The following NUP214 variants were observed in gnomAD, a reference collection of about 807,000 sequenced individuals.
The protein encoded by NUP214 is nucleoporin 214.
NUP214 carries 79 observed loss-of-function variants against 196.2 expected under a neutral mutation model. That is an observed-to-expected ratio of 0.40 (90% CI 0.34 to 0.49). The LOEUF is 0.49. Among genes scored for constraint, NUP214 ranks in the 20% least tolerant of loss-of-function variants. The probability of loss-of-function intolerance (pLI) is 0.58; values close to 1 mark genes in which losing one functional copy is unlikely to be tolerated. For synonymous variants in NUP214, 1,020 were observed against 990.5 expected (o/e 1.03, Z -0.56); for missense variants, 2,468 against 2,539.0 (o/e 0.97, Z 0.60).
At chr9:131,154,156 C>T (rs184248734) in intron 17 of NUP214, among the ~76,000 whole-genome samples, 4 of 152,274 alleles carry the variant, frequency 2.6e-5, no homozygotes, top group Admixed American at 1.3e-4. Context: ...ATCATCTTGG[C>T]TCTTTTAAAA....
chr9:131,176,972 C>G (rs550810909), intron 23 of NUP214, among the ~76,000 whole-genome samples: 4 of 152,224 alleles, frequency 2.6e-5, no homozygotes, highest in African/African-American at 9.6e-5. Context: ...TAAGACACCC[C>G]CACAACAAAG....
At chr9:131,223,727 A>ATTTATTTATTTATTTATTTTTTTATT in intron 32 of NUP214, among the ~76,000 whole-genome samples, 1 of 15,642 alleles carries the variant, frequency 6.4e-5, no homozygotes, top group Admixed American at 1.4e-3. Context: ...TTATTTATTT[A>ATTTATTTATTTATTTATTTTTTTATT]TTTTTTTTTT....
Position 131,146,965 on chromosome 9 carries a change from A to G in NUP214, c.1946-525A>G, listed in dbSNP as rs181275649. Among the ~76,000 whole-genome samples, 590 of 150,868 alleles carry G rather than the reference A, an allele frequency of 3.9e-3. 8 individuals are homozygous for G. The highest frequency in any genetic ancestry group is 0.014 in the African/African-American group (562 of 41,178). On this transcript the variant is annotated intron_variant, in intron 13 of 35. Transcript: ENST00000359428. The surrounding 1 kb of genome is among the most constrained non-coding windows in gnomAD (Gnocchi z 4.6). The stretch of plus-strand genomic sequence containing the variant: ...AAAGTACAGAGGAGAGAGTACCTGC[A>G]GTGATTATATTCATATTTTCACAGT...
At chr9:131,171,860 A>G (rs1832968569) in intron 21 of NUP214, among the ~76,000 whole-genome samples, 2 of 152,126 alleles carry the variant, frequency 1.3e-5, no homozygotes, top group South Asian at 4.1e-4. Flanking sequence ...AATTTCATCC[A>G]TGTCCCTACA....
intron 24 of NUP214, among the ~76,000 whole-genome samples, chr9:131,186,563 G>A (rs1286133593): frequency 6.6e-6 from 1 of 152,140 alleles, no homozygotes; most frequent in Non-Finnish European, 1.5e-5. Flanking sequence ...GCTGACAACA[G>A]ATAAATTGAA....
chr9:131,165,748 C>A lies in NUP214; in HGVS notation c.2893+1604C>A, dbSNP rs537231577. Among the ~76,000 whole-genome samples the A allele has an allele frequency of 6.2e-4, 95 of 152,300 alleles. 1 individual carries two copies. Among genetic ancestry groups the A allele is most frequent in the South Asian group, 5.2e-3 (25 of 4,830 alleles). On this transcript the variant is annotated intron_variant, in intron 21 of 35. Coordinates refer to ENST00000359428, the MANE Select transcript of NUP214 (RefSeq NM_005085.4). ...GTCTGTTAATGAATGAATGGATAAA[C>A]AAAATGTCTGTCTATACAATGGAAT...
chr9:131,178,475 A>G (rs1173742929), intron 24 of NUP214, 65 bp downstream of exon 24: 2 of 1,140,018 alleles, frequency 1.8e-6, no homozygotes, highest in Admixed American at 1.9e-5. Context: ...GACTGCCTGC[A>G]GGGAGCAGCA....
chr9:131,132,711 T>C (rs1458645135), intron 6 of NUP214, 52 bp downstream of exon 6: 2 of 1,475,772 alleles, frequency 1.4e-6, no homozygotes, highest in Middle Eastern at 1.7e-4. Context: ...GTTATGTATA[T>C]TACAGAAATT....
At chr9:131,208,016 A>G (rs1834131034) in intron 30 of NUP214, among the ~76,000 whole-genome samples, 1 of 152,228 alleles carries the variant, frequency 6.6e-6, no homozygotes, top group Non-Finnish European at 1.5e-5. Context: ...CCACAATTAG[A>G]TAAGATACCA....
At position 131,158,484 on chromosome 9, in the gene NUP214, G is replaced by A. The variant is rs114900818; in HGVS notation, c.2437-899G>A. Among the ~76,000 whole-genome samples, 797 of 152,322 alleles carry A rather than the reference G, an allele frequency of 5.2e-3. 7 individuals carry two copies. The highest frequency in any genetic ancestry group is 0.018 in the African/African-American group (744 of 41,584). ...TTGCAGGCCTATAATAAGTTAAATA[G>A]CTAAAATTTTAAATAATGACAGATT... is the stretch of plus-strand genomic sequence containing the variant. On this transcript the variant is annotated intron_variant, in intron 17 of 35. Coordinates refer to ENST00000359428, the MANE Select transcript of NUP214 (RefSeq NM_005085.4).
At chr9:131,157,387 C>T (rs1832485740) in intron 17 of NUP214, among the ~76,000 whole-genome samples, 1 of 151,238 alleles carries the variant, frequency 6.6e-6, no homozygotes, top group African/African-American at 2.4e-5. Context: ...TCTCGAACAC[C>T]TGGGCCCTAG....
intron 21 of NUP214, chr9:131,167,467 C>T (rs1362644134): frequency 1.3e-5 from 2 of 152,184 alleles, no homozygotes; most frequent in Admixed American, 6.5e-5. Flanking sequence ...TCTCGGAGCA[C>T]ATGTGTACTT....
In NUP214 at chr9:131,142,754, TTC is replaced by T. The variant is rs1467929970; in HGVS notation, c.1295-1525_1295-1524del. Reference sequence around the variant, plus strand: ...ATAGGTTTGCTTGCATTATTATACTTTCATCAATGTGACAGTTTACTTGGATT... The same window carrying T: ...ATAGGTTTGCTTGCATTATTATACTTATCAATGTGACAGTTTACTTGGATT... On this transcript the variant is annotated intron_variant, in intron 11 of 35. Coordinates refer to ENST00000359428, the MANE Select transcript of NUP214 (RefSeq NM_005085.4). Among the ~76,000 whole-genome samples the T allele has an allele frequency of 2.6e-5, 4 of 152,262 alleles. No homozygotes were observed. The East Asian group carries it at 7.7e-4, about 29-fold the overall frequency.
chr9:131,148,111 C>T (rs1261929195), intron 14 of NUP214, among the ~76,000 whole-genome samples: 4 of 152,178 alleles, frequency 2.6e-5, no homozygotes, highest in Non-Finnish European at 4.4e-5. Flanking sequence ...CACTTGAACC[C>T]GGGAGGCGGA....
intron 7 of NUP214, among the ~76,000 whole-genome samples, chr9:131,134,085 C>G (rs1202739341): frequency 6.6e-6 from 1 of 152,086 alleles, no homozygotes; most frequent in African/African-American, 2.4e-5. Flanking sequence ...TAGTTGGGAC[C>G]ACAGGCATGC....
chr9:131,227,596 C>A (rs569144498), intron 32 of NUP214, among the ~76,000 whole-genome samples: 7 of 152,306 alleles, frequency 4.6e-5, no homozygotes, highest in Admixed American at 3.9e-4. Flanking sequence ...CCAGCATACA[C>A]GTCTCTGTCT....
chr9:131,146,172 A>G lies in NUP214; in HGVS notation c.1813A>G (p.Ser605Gly), dbSNP rs1450927398. 6.2e-7 allele frequency: 1 copy of G among 1,613,982 alleles called. No individual in the cohort carries two copies. Among genetic ancestry groups the G allele is most frequent in the African/African-American group, 1.3e-5 (1 of 74,910 alleles). ...CTCTACTCCTGTTAGTAGCTCCCAGAGCGCACCCCCGATGTCGCCATTCTC... is the reference window on the plus strand; with the variant it reads ...CTCTACTCCTGTTAGTAGCTCCCAGGGCGCACCCCCGATGTCGCCATTCTC... Reference protein sequence around the residue: ...ATSTPVSSSQSAPPMSPFSSA... With the variant: ...ATSTPVSSSQGAPPMSPFSSA... Residue 605 changes from serine to glycine, a missense_variant, in exon 13 of 36, where the codon AGC (serine) becomes GGC (glycine). By Grantham distance (56) the Ser-to-Gly change is moderately conservative (BLOSUM62 0). Around this residue, in one of 5 missense-constraint regions of NUP214, gnomAD observed 1,801 missense variants for 1,779.4 expected, o/e 1.01. Transcript: ENST00000359428. The surrounding 1 kb of genome is among the most constrained non-coding windows in gnomAD (Gnocchi z 4.6).
intron 4 of NUP214, among the ~76,000 whole-genome samples, chr9:131,130,381 G>A (rs1431133720): frequency 6.6e-6 from 1 of 151,868 alleles, no homozygotes. Flanking sequence ...CTGACCTCAA[G>A]TGATCCGTCC....
intron 23 of NUP214, 144 bp downstream of exon 23, chr9:131,175,765 G>C: frequency 8.2e-7 from 1 of 1,216,140 alleles, no homozygotes; most frequent in Non-Finnish European, 1.1e-6. Flanking sequence ...TCTCCCCTTT[G>C]TGGAGAGAGT....
Sources: gnomAD v4.1 joint callset for allele counts (sites outside exome capture counted in the v4.1 genomes callset) on GRCh38, gnomAD v4.1.1 for gene constraint, gnomAD v4.1.1 regional missense constraint, Gnocchi (gnomAD v3.1) non-coding constraint, MANE v1.5 for transcripts, NCBI Gene and HGNC (gene_info 2026-07-23, HGNC 2026-07-21) for gene names.